CCSER1: variants seen among roughly 807,000 people sequenced by gnomAD.
CCSER1 encodes coiled-coil serine rich protein 1.
A neutral mutation model predicts 82.0 loss-of-function variants in CCSER1; 41 were observed. The observed-to-expected ratio is 0.50, with a 90% confidence interval of 0.39 to 0.65. The LOEUF (loss-of-function observed/expected upper bound fraction) is 0.65, where lower values mean the gene tolerates loss of function less well. CCSER1 is among the 30% of genes least tolerant of loss of function. CCSER1 has a pLI of 0.00. For missense variants in CCSER1, 1,119 were observed against 1,064.2 expected, an observed-to-expected ratio of 1.05 and a Z score of -0.72; for synonymous variants, 414 against 383.9, an observed-to-expected ratio of 1.08 and a Z score of -0.92.
intron 5 of CCSER1, among the ~76,000 whole-genome samples, chr4:90,612,367 A>G (rs1227856699): frequency 6.6e-6 from 1 of 152,220 alleles, no homozygotes; most frequent in Non-Finnish European, 1.5e-5. Flanking sequence ...TCATCACTTA[A>G]AAGACAAGAT....
chr4:90,247,676 TA>T, intron 1 of CCSER1, among the ~76,000 whole-genome samples: 1 of 152,226 alleles, frequency 6.6e-6, no homozygotes, highest in South Asian at 2.1e-4. Context: ...TAGTATAATG[TA>T]AATCCAGACT....
intron 1 of CCSER1, among the ~76,000 whole-genome samples, chr4:90,218,287 T>C (rs1741482979): frequency 6.6e-6 from 1 of 152,178 alleles, no homozygotes; most frequent in South Asian, 2.1e-4. Context: ...GACTTGATCC[T>C]GGTGAATTAA....
chr4:90,895,311 A>T (rs1161817607), intron 8 of CCSER1, among the ~76,000 whole-genome samples: 1 of 151,960 alleles, frequency 6.6e-6, no homozygotes, highest in Non-Finnish European at 1.5e-5. Flanking sequence ...ATATAAGCAG[A>T]TGCAAAATTG....
intron 1 of CCSER1, among the ~76,000 whole-genome samples, chr4:90,156,969 C>G (rs1014968635): frequency 2.6e-5 from 4 of 152,098 alleles, no homozygotes; most frequent in Non-Finnish European, 5.9e-5. Flanking sequence ...TTCCTAGCCT[C>G]GATGGTTTTT....
intron 8 of CCSER1, among the ~76,000 whole-genome samples, chr4:90,846,448 A>G (rs1171080749): frequency 1.3e-5 from 2 of 150,822 alleles, no homozygotes; most frequent in African/African-American, 4.8e-5. Context: ...TTTTATTGAT[A>G]AAAACAATTA....
At chr4:91,415,921 C>G (rs1753333608) in intron 10 of CCSER1, among the ~76,000 whole-genome samples, 1 of 152,108 alleles carries the variant, frequency 6.6e-6, no homozygotes, top group East Asian at 1.9e-4. Context: ...ATGATGCTAA[C>G]TGCATCATCA....
chr4:90,438,446 T>A (rs1424236158), intron 4 of CCSER1, among the ~76,000 whole-genome samples: 3 of 152,076 alleles, frequency 2.0e-5, no homozygotes, highest in Non-Finnish European at 4.4e-5. Flanking sequence ...TTCTGTATAC[T>A]ATAAGAGAAC....
chr4:91,158,879 C>T (rs1047900949), intron 10 of CCSER1, among the ~76,000 whole-genome samples: 1 of 151,928 alleles, frequency 6.6e-6, no homozygotes, highest in African/African-American at 2.4e-5. Context: ...ATAGGCATTA[C>T]CAGAAGCGAA....
At chr4:90,797,947 T>C (rs1202995075) in intron 7 of CCSER1, among the ~76,000 whole-genome samples, 1 of 152,162 alleles carries the variant, frequency 6.6e-6, no homozygotes, top group African/African-American at 2.4e-5. Flanking sequence ...GAAGATTATG[T>C]CTGTTGGGGA....
chr4:90,821,694 G>A (rs1011700774), intron 8 of CCSER1, among the ~76,000 whole-genome samples: 1 of 152,002 alleles, frequency 6.6e-6, no homozygotes, highest in African/African-American at 2.4e-5. Context: ...TTAAATATTT[G>A]CATCATAAGT....
chr4:90,155,556 A>G (rs928327911), intron 1 of CCSER1, among the ~76,000 whole-genome samples: 1 of 151,994 alleles, frequency 6.6e-6, no homozygotes, highest in Non-Finnish European at 1.5e-5. Flanking sequence ...ACAATTTCAG[A>G]TCCTGTTATT....
chr4:90,223,208 A>T (rs984531700), intron 1 of CCSER1, among the ~76,000 whole-genome samples: 5 of 152,190 alleles, frequency 3.3e-5, no homozygotes, highest in African/African-American at 9.7e-5. Context: ...ATGATACAGT[A>T]TGTAACCTTT....
chr4:91,270,947 AG>A (rs1158916154), intron 10 of CCSER1, among the ~76,000 whole-genome samples: 2 of 152,208 alleles, frequency 1.3e-5, no homozygotes, highest in Non-Finnish European at 2.9e-5. Flanking sequence ...TGGGGAAAAA[AG>A]CCCAGAAGTG....
At chr4:91,388,443 A>G (rs1192559568) in intron 10 of CCSER1, among the ~76,000 whole-genome samples, 1 of 152,112 alleles carries the variant, frequency 6.6e-6, no homozygotes, top group Non-Finnish European at 1.5e-5. Context: ...TTGCTGGAAC[A>G]TAGGGAAACT....
intron 6 of CCSER1, among the ~76,000 whole-genome samples, chr4:90,715,093 C>T (rs1014206425): frequency 6.6e-6 from 1 of 151,830 alleles, no homozygotes; most frequent in East Asian, 1.9e-4. Context: ...AACAAAGAAC[C>T]TTTAGGTCTG....
At chr4:90,380,170 G>T (rs7688033) in intron 3 of CCSER1, among the ~76,000 whole-genome samples, 26,952 of 151,942 alleles carry the variant, frequency 0.18, 3,060 homozygotes, top group East Asian at 0.5. Context: ...TCTTCTCAGG[G>T]TTATAATAAA....
intron 10 of CCSER1, among the ~76,000 whole-genome samples, chr4:91,396,583 G>A (rs935856071): frequency 2.6e-5 from 4 of 152,076 alleles, no homozygotes; most frequent in African/African-American, 9.7e-5. Context: ...AAACAATAAT[G>A]ATGCGGGCAG....
intron 1 of CCSER1, among the ~76,000 whole-genome samples, chr4:90,189,006 A>G (rs1195399021): frequency 6.6e-6 from 1 of 151,862 alleles, no homozygotes; most frequent in East Asian, 1.9e-4. Flanking sequence ...TAGTTTCTTT[A>G]TATTTTTGCC....
At chr4:91,403,152 T>A (rs1006148778) in intron 10 of CCSER1, among the ~76,000 whole-genome samples, 2 of 152,128 alleles carry the variant, frequency 1.3e-5, no homozygotes, top group Non-Finnish European at 2.9e-5. Context: ...ATTCTCTTTG[T>A]AGCAATTGTG....
Sources: allele counts gnomAD v4.1 joint callset (sites outside exome capture counted in the v4.1 genomes callset), GRCh38; gene constraint gnomAD v4.1.1; transcripts MANE v1.5; gene names NCBI Gene and HGNC (gene_info 2026-07-23, HGNC 2026-07-21).